EXTL2: variants seen among roughly 807,000 people sequenced by gnomAD.
The protein encoded by EXTL2 is exostosin-like 2.
In EXTL2, 23 loss-of-function variants were observed where a neutral mutation model predicts 30.7. The observed-to-expected ratio is 0.75, with a 90% CI of 0.54 to 1.06. The LOEUF (loss-of-function observed/expected upper bound fraction) is 1.06. Among genes scored for constraint, EXTL2 ranks in the 50% least tolerant of loss-of-function variants. The probability of loss-of-function intolerance (pLI) is 0.00; values close to 1 mark genes in which losing one functional copy is unlikely to be tolerated. For missense variants in EXTL2, 352 were observed against 396.3 expected (o/e 0.89, Z 0.95); for synonymous variants, 123 against 133.8 (o/e 0.92, Z 0.56).
At chr1:100,879,488 C>A (rs907487542) in intron 2 of EXTL2, among the ~76,000 whole-genome samples, 1 of 152,036 alleles carries the variant, frequency 6.6e-6, no homozygotes, top group Non-Finnish European at 1.5e-5. Context: ...ATTTAAAACA[C>A]CTTTAGGAAA....
At position 100,877,892 on chromosome 1, in the gene EXTL2, A is replaced by C. The variant is rs1331737389; in HGVS notation, c.17T>G (p.Ile6Ser). 6.3e-7 allele frequency: 1 copy of C among 1,596,408 alleles called. No individual in the cohort carries two copies. The highest frequency in any genetic ancestry group is 1.3e-5 in the African/African-American group (1 of 74,802). Residue 6 changes from isoleucine (I) to serine (S), a missense_variant, in exon 3 of 5, where the codon ATC becomes AGC. By Grantham distance (142) the Ile-to-Ser change is moderately radical (BLOSUM62 -2). Transcript: ENST00000370114. This position sits in a 1 kb window ranked among gnomAD's most constrained non-coding sequence, Gnocchi z 4.1. ...CATTACTCTCCCAGGAAGTTTGCAG[A>C]TGTGGCAACACCTGGAGTAGAAATG... MRCCH[I>S]CKLPGRVMGI...
intron 2 of EXTL2, among the ~76,000 whole-genome samples, chr1:100,886,862 G>C (rs1650009708): frequency 6.6e-6 from 1 of 152,044 alleles, no homozygotes; most frequent in Non-Finnish European, 1.5e-5. Flanking sequence ...TGTAGCTATT[G>C]ATGATGATAA....
chr1:100,878,920 C>T (rs1408465193), intron 2 of EXTL2, among the ~76,000 whole-genome samples: 1 of 152,038 alleles, frequency 6.6e-6, no homozygotes, highest in Non-Finnish European at 1.5e-5. Flanking sequence ...ACAACTCGAT[C>T]TCTCACAGTA....
chr1:100,892,607 T>A (rs1323235215), intron 1 of EXTL2, among the ~76,000 whole-genome samples: 1 of 152,166 alleles, frequency 6.6e-6, no homozygotes. Flanking sequence ...CATATACGCA[T>A]CTATCCTACC....
intron 2 of EXTL2, among the ~76,000 whole-genome samples, chr1:100,887,982 G>A (rs1219520349): frequency 1.3e-5 from 2 of 152,214 alleles, no homozygotes; most frequent in Non-Finnish European, 2.9e-5. Context: ...ACAGGCGTGA[G>A]CCACCGCGCC....
At chr1:100,876,940 A>G (rs768043236) in intron 3 of EXTL2, 76 bp from the exon 4 acceptor site, 9 of 909,310 alleles carry the variant, frequency 9.9e-6, no homozygotes, top group Non-Finnish European at 1.6e-5. Flanking sequence ...AATAGTGTCT[A>G]TATAGATCAT....
At chr1:100,882,400 TC>T (rs1216514488) in intron 2 of EXTL2, among the ~76,000 whole-genome samples, 1 of 152,208 alleles carries the variant, frequency 6.6e-6, no homozygotes, top group East Asian at 1.9e-4. Flanking sequence ...GAAACCCTGA[TC>T]TACATATAGG....
intron 4 of EXTL2, among the ~76,000 whole-genome samples, chr1:100,875,952 C>A (rs1393415408): frequency 6.6e-6 from 1 of 151,860 alleles, no homozygotes; most frequent in Admixed American, 6.6e-5. Context: ...GGAAAAATTT[C>A]GTTGGTCAGC....
intron 2 of EXTL2, among the ~76,000 whole-genome samples, chr1:100,888,075 T>C (rs182301416): frequency 6.6e-6 from 1 of 152,382 alleles, no homozygotes; most frequent in East Asian, 1.9e-4. Context: ...TATTCAACTC[T>C]ATACATACTG....
chr1:100,874,838 T>C lies in EXTL2; in HGVS notation c.505-408A>G, dbSNP rs1489376013. Among the ~76,000 whole-genome samples, 4 of 152,132 alleles carry C rather than the reference T, an allele frequency of 2.6e-5. No homozygotes were observed. The East Asian group carries it at 7.7e-4, about 29-fold the overall frequency. On this transcript the variant is annotated intron_variant, in intron 4 of 4. Transcript: ENST00000370114. The stretch of plus-strand genomic sequence containing the variant: ...AAAATTTGTTCTAATCTCTTAGGAG[T>C]ATATAAAATTATGGACCTACATGTG...
chr1:100,890,863 C>T (rs1413635433), intron 1 of EXTL2, among the ~76,000 whole-genome samples: 4 of 152,358 alleles, frequency 2.6e-5, no homozygotes, highest in African/African-American at 9.6e-5. Flanking sequence ...TTACCCAGTT[C>T]CAAAGTCTCT....
intron 1 of EXTL2, among the ~76,000 whole-genome samples, chr1:100,892,157 G>T (rs1650479336): frequency 6.6e-6 from 1 of 152,194 alleles, no homozygotes; most frequent in African/African-American, 2.4e-5. Context: ...GTGTTTCTGG[G>T]TGTTGCCAGC....
chr1:100,884,277 T>A (rs927154980), intron 2 of EXTL2, among the ~76,000 whole-genome samples: 1 of 152,230 alleles, frequency 6.6e-6, no homozygotes, highest in Non-Finnish European at 1.5e-5. Flanking sequence ...CCTCATACTG[T>A]CCAGATTGTT....
At position 100,877,519 on chromosome 1, in the gene EXTL2, C is replaced by T; in HGVS notation, c.390G>A (p.Arg130=). ...PVIFKQQTAN[R]MRNRLQVFPE... is the part of the protein sequence containing the mutation. Reference sequence around the variant, plus strand: ...GAAAGACCTGGAGTCGATTTCTCATCCTGTTTGCTGTCTGTTGTTTGAAGA... The same window carrying T: ...GAAAGACCTGGAGTCGATTTCTCATTCTGTTTGCTGTCTGTTGTTTGAAGA... The change falls in exon 3 of 5, where the codon AGG becomes AGA. Residue 130 remains arginine, a synonymous_variant. Coordinates refer to ENST00000370114, the MANE Select transcript of EXTL2 (RefSeq NM_001033025.3). This position sits in a 1 kb window ranked among gnomAD's most constrained non-coding sequence, Gnocchi z 4.1. 3 of 1,610,860 alleles carry T rather than the reference C, an allele frequency of 1.9e-6. No homozygotes were observed. Among genetic ancestry groups the T allele is most frequent in the Non-Finnish European group, 1.7e-6 (2 of 1,178,402 alleles).
At chr1:100,889,541 C>A (rs925769102) in intron 1 of EXTL2, among the ~76,000 whole-genome samples, 75 of 152,296 alleles carry the variant, frequency 4.9e-4, no homozygotes, top group African/African-American at 1.7e-3. Flanking sequence ...AAAGTCTCTT[C>A]CAAGGCAAGG....
In EXTL2 at chr1:100,894,819, T is replaced by G. The variant is rs1650753817; in HGVS notation, c.-258A>C. On this transcript the variant is annotated 5_prime_UTR_variant, in exon 1 of 5. Coordinates refer to ENST00000370114, the MANE Select transcript of EXTL2 (RefSeq NM_001033025.3). ...AAGTGCCGCCCGCAAAGTGAGCGCC[T>G]GGAGCAAGGGACAGTCCCCGAGTGG... is the stretch of plus-strand genomic sequence containing the variant. The G allele has an allele frequency of 1.3e-5, 2 of 152,210 alleles. No individual in the cohort carries two copies. Among genetic ancestry groups the G allele is most frequent in the Admixed American group, 1.3e-4 (2 of 15,286 alleles). The allele number at this position is 152,210 out of a possible 1,614,324, so 9.4% of individuals were successfully genotyped here. A position where few individuals can be genotyped will look rare whatever the true frequency, so the allele number is the denominator to read the frequency against.
chr1:100,876,176 T>C (rs1649103551), intron 4 of EXTL2, among the ~76,000 whole-genome samples: 2 of 152,046 alleles, frequency 1.3e-5, no homozygotes, highest in Non-Finnish European at 1.5e-5. Flanking sequence ...TTTCAGGTAA[T>C]GGCAGTGCAA....
chr1:100,880,493 A>G (rs1374041317), intron 2 of EXTL2, among the ~76,000 whole-genome samples: 2 of 152,202 alleles, frequency 1.3e-5, no homozygotes, highest in African/African-American at 4.8e-5. Context: ...AGGTAACCTC[A>G]GCTTTTCCAT....
rs374622706 is a variant in EXTL2 at position 100,877,500 on chromosome 1, C to T, written c.409G>A (p.Val137Ile). The change falls in exon 3 of 5, where the codon GTC (valine) becomes ATC (isoleucine). Residue 137 changes from valine to isoleucine, a missense_variant. Coordinates refer to ENST00000370114, the MANE Select transcript of EXTL2 (RefSeq NM_001033025.3). The surrounding 1 kb of genome is among the most constrained non-coding windows in gnomAD (Gnocchi z 4.1). ...CCATTGGTTTCCAGTTCAGGAAAGA[C>T]CTGGAGTCGATTTCTCATCCTGTTT... is the stretch of plus-strand genomic sequence containing the variant. ...TANRMRNRLQVFPELETNAVL... is the reference protein window; with the variant it reads ...TANRMRNRLQIFPELETNAVL... 1.1e-5 allele frequency: 18 copies of T among 1,605,050 alleles called. No individual in the cohort carries two copies. Among genetic ancestry groups the T allele is most frequent in the Non-Finnish European group, 1.5e-5 (18 of 1,175,572 alleles).
Sources: gnomAD v4.1 joint callset for allele counts (sites outside exome capture counted in the v4.1 genomes callset) on GRCh38, gnomAD v4.1.1 for gene constraint, Gnocchi (gnomAD v3.1) non-coding constraint, MANE v1.5 for transcripts, NCBI Gene and HGNC (gene_info 2026-07-23, HGNC 2026-07-21) for gene names.